CCSER1: variants seen among roughly 807,000 people sequenced by gnomAD.
CCSER1 encodes coiled-coil serine rich protein 1.
In CCSER1, 41 loss-of-function variants were observed where a neutral mutation model predicts 82.0. The observed-to-expected ratio is 0.50, with a 90% CI of 0.39 to 0.65. The LOEUF is 0.65. CCSER1 is among the 30% of genes least tolerant of loss of function. The probability of loss-of-function intolerance (pLI) is 0.00; values close to 1 mark genes in which losing one functional copy is unlikely to be tolerated. For synonymous variants in CCSER1, 414 were observed against 383.9 expected, an observed-to-expected ratio of 1.08 and a Z score of -0.92; for missense variants, 1,119 against 1,064.2, an observed-to-expected ratio of 1.05 and a Z score of -0.72.
intron 1 of CCSER1, among the ~76,000 whole-genome samples, chr4:90,255,629 A>G (rs771150892): frequency 4.0e-5 from 6 of 151,524 alleles, no homozygotes; most frequent in Admixed American, 2.6e-4. Flanking sequence ...TCTGTTTTTA[A>G]AATAAGTTTT....
intron 7 of CCSER1, among the ~76,000 whole-genome samples, chr4:90,782,845 C>G (rs1423802684): frequency 6.6e-6 from 1 of 151,820 alleles, no homozygotes; most frequent in African/African-American, 2.4e-5. Flanking sequence ...TCACGCCTGG[C>G]TAATTTTTCT....
intron 9 of CCSER1, among the ~76,000 whole-genome samples, chr4:90,954,250 G>T (rs72665455): frequency 0.21 from 31,354 of 151,740 alleles, 3,706 homozygotes; most frequent in Non-Finnish European, 0.26. Context: ...AATACATTTT[G>T]CATACCTCAA....
intron 8 of CCSER1, among the ~76,000 whole-genome samples, chr4:90,912,806 G>C (rs1726625569): frequency 6.6e-6 from 1 of 152,198 alleles, no homozygotes; most frequent in African/African-American, 2.4e-5. Flanking sequence ...ACCTGATGGA[G>C]ATGAAAACCA....
intron 5 of CCSER1, among the ~76,000 whole-genome samples, chr4:90,535,429 A>C (rs1454586448): frequency 6.6e-6 from 1 of 152,158 alleles, no homozygotes; most frequent in Non-Finnish European, 1.5e-5. Context: ...TACAAAAAAC[A>C]AAAAAACAAC....
intron 7 of CCSER1, among the ~76,000 whole-genome samples, chr4:90,748,912 A>C (rs1476819706): frequency 1.3e-5 from 2 of 150,916 alleles, no homozygotes; most frequent in Non-Finnish European, 3.0e-5. Context: ...AATTTGTTTA[A>C]GTTAATTGTA....
intron 10 of CCSER1, among the ~76,000 whole-genome samples, chr4:91,532,508 G>A (rs1761087896): frequency 6.6e-6 from 1 of 152,118 alleles, no homozygotes; most frequent in Non-Finnish European, 1.5e-5. Context: ...GAATAAGTAA[G>A]TAAAGTTAGA....
At position 90,879,319 on chromosome 4, in the gene CCSER1, A is replaced by G. The variant is rs541456061; in HGVS notation, c.2095-44051A>G. 2.0e-5 allele frequency among the ~76,000 whole-genome samples: 3 copies of G among 152,112 alleles called. No homozygotes were observed. In the East Asian group the frequency reaches 5.8e-4, roughly 29 times the overall value. Reference sequence around the variant, plus strand: ...TGTCCTTCACCCCCTGTATTGCCTTATTGTGATTCTTATTTTCCTTAGATT... The same window carrying G: ...TGTCCTTCACCCCCTGTATTGCCTTGTTGTGATTCTTATTTTCCTTAGATT... On this transcript the variant is annotated intron_variant, in intron 8 of 10. Transcript: ENST00000509176.
chr4:90,590,794 T>C (rs1012336157), intron 5 of CCSER1, among the ~76,000 whole-genome samples: 2 of 152,156 alleles, frequency 1.3e-5, no homozygotes, highest in African/African-American at 2.4e-5. Context: ...CCATTTTGGT[T>C]CCAAATGAAA....
At chr4:90,165,979 G>C (rs1019304556) in intron 1 of CCSER1, among the ~76,000 whole-genome samples, 1 of 151,970 alleles carries the variant, frequency 6.6e-6, no homozygotes, top group African/African-American at 2.4e-5. Context: ...GTTAATGTAT[G>C]AGTTCACATG....
rs975468256 is a variant in CCSER1 at position 90,386,373 on chromosome 4, C to T, written c.1510-13663C>T. Among the ~76,000 whole-genome samples the T allele has an allele frequency of 3.9e-5, 6 of 152,044 alleles. No homozygotes were observed. In the East Asian group the frequency reaches 9.7e-4, roughly 24 times the overall value. ...ATATCTATAAGCAATTGATCTTCTA[C>T]AAAGCAGACCAAAACATACTGGGAA... is the stretch of plus-strand genomic sequence containing the variant. On this transcript the variant is annotated intron_variant, in intron 3 of 10. Coordinates refer to ENST00000509176, the MANE Select transcript of CCSER1 (RefSeq NM_001145065.2).
intron 7 of CCSER1, among the ~76,000 whole-genome samples, chr4:90,758,186 G>A (rs1386324877): frequency 6.6e-5 from 10 of 152,016 alleles, no homozygotes; most frequent in South Asian, 2.1e-4. Flanking sequence ...ATCCGCCTGC[G>A]TCGGCCTCCC....
chr4:90,220,144 AT>A (rs912067449), intron 1 of CCSER1, among the ~76,000 whole-genome samples: 23 of 152,194 alleles, frequency 1.5e-4, no homozygotes, highest in African/African-American at 5.3e-4. Context: ...GTTTTTAGTT[AT>A]TTTTGTTAAT....
At chr4:91,148,605 G>A (rs1325349122) in intron 10 of CCSER1, among the ~76,000 whole-genome samples, 1 of 152,020 alleles carries the variant, frequency 6.6e-6, no homozygotes, top group South Asian at 2.1e-4. Context: ...ATTTACATTA[G>A]GTATATCTCC....
Position 91,519,351 on chromosome 4 carries a change from C to T in CCSER1, c.2218-79221C>T, listed in dbSNP as rs111393613. Among the ~76,000 whole-genome samples, 1,425 of 152,270 alleles carry T rather than the reference C, an allele frequency of 9.4e-3. 7 individuals carry two copies. Among genetic ancestry groups the T allele is most frequent in the Middle Eastern group, 0.017 (5 of 294 alleles). On this transcript the variant is annotated intron_variant, in intron 10 of 10. Coordinates refer to ENST00000509176, the MANE Select transcript of CCSER1 (RefSeq NM_001145065.2). ...ACCCCACCCTCTGGAAACTCCAGTC[C>T]GGGAGGTACAGAGCTGCTACTGTCC...
intron 10 of CCSER1, among the ~76,000 whole-genome samples, chr4:91,257,814 A>G (rs1560547796): frequency 6.6e-6 from 1 of 152,248 alleles, no homozygotes; most frequent in Non-Finnish European, 1.5e-5. Flanking sequence ...CACATGAGCT[A>G]CAAATGTGCC....
chr4:90,255,189 C>T (rs1216032047), intron 1 of CCSER1, among the ~76,000 whole-genome samples: 1 of 151,986 alleles, frequency 6.6e-6, no homozygotes, highest in Admixed American at 6.6e-5. Flanking sequence ...TTTTCAAATA[C>T]CATCAGAATT....
At position 90,383,465 on chromosome 4, in the gene CCSER1, G is replaced by A. The variant is rs962719717; in HGVS notation, c.1510-16571G>A. Among the ~76,000 whole-genome samples, 3 of 152,080 alleles carry A rather than the reference G, an allele frequency of 2.0e-5. No homozygotes were observed. The East Asian group carries it at 5.8e-4, about 29-fold the overall frequency. Reference sequence around the variant, plus strand: ...AGCATAACTGTTTGGGAAGTCATAAGGAAAGAAGTCAAGACTTCTCTTTCA... The same window carrying A: ...AGCATAACTGTTTGGGAAGTCATAAAGAAAGAAGTCAAGACTTCTCTTTCA... On this transcript the variant is annotated intron_variant, in intron 3 of 10. Coordinates refer to ENST00000509176, the MANE Select transcript of CCSER1 (RefSeq NM_001145065.2).
chr4:91,364,980 T>C (rs142259750), intron 10 of CCSER1, among the ~76,000 whole-genome samples: 2 of 152,220 alleles, frequency 1.3e-5, no homozygotes, highest in East Asian at 3.9e-4. Context: ...CTAGCCACTG[T>C]AAAGTTAACC....
At chr4:90,453,051 C>G (rs1226246158) in intron 4 of CCSER1, among the ~76,000 whole-genome samples, 1 of 152,146 alleles carries the variant, frequency 6.6e-6, no homozygotes, top group Non-Finnish European at 1.5e-5. Flanking sequence ...AAACTTTAAC[C>G]TGAGAATAAA....
Sources: gnomAD v4.1 joint callset for allele counts (sites outside exome capture counted in the v4.1 genomes callset) on GRCh38, gnomAD v4.1.1 for gene constraint, MANE v1.5 for transcripts, NCBI Gene and HGNC (gene_info 2026-07-23, HGNC 2026-07-21) for gene names.